Variants in TNIK observed in about 807,000 individuals in gnomAD.
TNIK encodes TRAF2 and NCK-interacting protein kinase.
Under a neutral mutation model 191.3 loss-of-function variants are expected in TNIK, and 49 were observed. The observed-to-expected ratio is 0.26, with a 90% CI of 0.20 to 0.32. The LOEUF is 0.32. Ranked by LOEUF, TNIK falls within the 10% of genes least tolerant of loss-of-function variation. The pLI, the probability that TNIK is intolerant of heterozygous loss-of-function variation, is 1.00. For synonymous variants in TNIK, 594 were observed against 600.9 expected (o/e 0.99, Z 0.17); for missense variants, 1,155 against 1,702.3 (o/e 0.68, Z 5.66).
At chr3:171,300,449 T>C (rs1209187594) in intron 2 of TNIK, among the ~76,000 whole-genome samples, 3 of 152,182 alleles carry the variant, frequency 2.0e-5, no homozygotes, top group Non-Finnish European at 4.4e-5. Flanking sequence ...TGTATGCATC[T>C]GACATTATTT....
chr3:171,251,865 G>A (rs1156421689), intron 2 of TNIK, among the ~76,000 whole-genome samples: 1 of 152,100 alleles, frequency 6.6e-6, no homozygotes, highest in Non-Finnish European at 1.5e-5. Flanking sequence ...AAACGGGTAA[G>A]GAAGGTGAAA....
intron 18 of TNIK, among the ~76,000 whole-genome samples, chr3:171,117,497 T>TACATATATATGAG (rs1287918379): frequency 6.6e-6 from 1 of 152,166 alleles, no homozygotes; most frequent in Non-Finnish European, 1.5e-5. Flanking sequence ...AATTAGTAAA[T>TACATATATATGAG]ACATATATAT....
intron 2 of TNIK, among the ~76,000 whole-genome samples, chr3:171,246,950 G>C (rs554897296): frequency 6.6e-6 from 1 of 152,330 alleles, no homozygotes; most frequent in East Asian, 1.9e-4. Flanking sequence ...AGACTGGGGG[G>C]AAGACAAGGA....
intron 2 of TNIK, among the ~76,000 whole-genome samples, chr3:171,346,003 A>T (rs1476047551): frequency 6.6e-6 from 1 of 152,122 alleles, no homozygotes; most frequent in East Asian, 1.9e-4. Flanking sequence ...TAAACATGGT[A>T]AGGGGAACAG....
At chr3:171,264,067 T>TACACACACACACACAC (rs760319253) in intron 2 of TNIK, among the ~76,000 whole-genome samples, 6 of 110,772 alleles carry the variant, frequency 5.4e-5, no homozygotes, top group Non-Finnish European at 1.1e-4. Flanking sequence ...TATATATACA[T>TACACACACACACACAC]ACACACACAC....
chr3:171,251,448 AAT>A (rs1746215124), intron 2 of TNIK, among the ~76,000 whole-genome samples: 1 of 152,062 alleles, frequency 6.6e-6, no homozygotes, highest in African/African-American at 2.4e-5. Context: ...GTACTGCCAT[AAT>A]AGTTATCAAC....
chr3:171,109,713 CTT>C (rs1233316636), intron 19 of TNIK, among the ~76,000 whole-genome samples: 2 of 152,148 alleles, frequency 1.3e-5, no homozygotes, highest in African/African-American at 4.8e-5. Context: ...GCAAAATTAT[CTT>C]CTGAAGAAGT....
At chr3:171,456,117 TG>T (rs1728773508) in intron 1 of TNIK, among the ~76,000 whole-genome samples, 1 of 151,832 alleles carries the variant, frequency 6.6e-6, no homozygotes. Flanking sequence ...CAAAAGTGTA[TG>T]TGAGTCCTGG....
intron 2 of TNIK, among the ~76,000 whole-genome samples, chr3:171,271,164 C>T (rs1310337560): frequency 1.3e-5 from 2 of 152,200 alleles, no homozygotes; most frequent in Non-Finnish European, 2.9e-5. Flanking sequence ...AAACCTCAGT[C>T]TTCAAGTTCT....
intron 28 of TNIK, among the ~76,000 whole-genome samples, chr3:171,077,071 T>TC (rs34196156): frequency 0.074 from 10,622 of 142,770 alleles, 458 homozygotes; most frequent in Middle Eastern, 0.11. Flanking sequence ...CCTTTCTTGT[T>TC]CCCCCCCCCC....
chr3:171,293,636 A>G (rs1268496674), intron 2 of TNIK, among the ~76,000 whole-genome samples: 1 of 152,246 alleles, frequency 6.6e-6, no homozygotes, highest in Non-Finnish European at 1.5e-5. Context: ...TCCAGGAAAT[A>G]GCATCTAGCT....
At chr3:171,456,758 A>G (rs1348767196) in intron 1 of TNIK, among the ~76,000 whole-genome samples, 1 of 152,224 alleles carries the variant, frequency 6.6e-6, no homozygotes, top group Non-Finnish European at 1.5e-5. Flanking sequence ...CTCAATAAAT[A>G]AAATTCCCTG....
At chr3:171,152,897 G>A (rs538301550) in intron 12 of TNIK, among the ~76,000 whole-genome samples, 6 of 151,404 alleles carry the variant, frequency 4.0e-5, no homozygotes, top group South Asian at 2.1e-4. Flanking sequence ...TCAGCTTCCC[G>A]AGTAGCTGGG....
chr3:171,157,345 T>G lies in TNIK; in HGVS notation c.1221+115A>C, dbSNP rs548369499. On this transcript the variant is annotated intron_variant, in intron 12 of 32. Transcript: ENST00000436636. ...CTTATCTGCCCTTGCAGTCAACCCC[T>G]TTGTGCCTCTAAGCTCTGTGTGCTC... 175 of 1,305,302 alleles carry G rather than the reference T, an allele frequency of 1.3e-4. No homozygotes were observed. In the African/African-American group the frequency reaches 2.5e-3, roughly 18 times the overall value. 80.9% of individuals were successfully genotyped at this position (1,305,302 alleles called of 1,614,324 possible).
At chr3:171,272,284 C>T (rs1213486490) in intron 2 of TNIK, among the ~76,000 whole-genome samples, 2 of 152,192 alleles carry the variant, frequency 1.3e-5, no homozygotes, top group Non-Finnish European at 2.9e-5. Flanking sequence ...GTACCAAGGG[C>T]TTCAATGACA....
At chr3:171,301,972 C>T (rs779545019) in intron 2 of TNIK, among the ~76,000 whole-genome samples, 2 of 152,138 alleles carry the variant, frequency 1.3e-5, no homozygotes, top group African/African-American at 2.4e-5. Flanking sequence ...CATATACATA[C>T]GTATGGGAGG....
At chr3:171,225,062 T>C (rs914103329) in intron 3 of TNIK, among the ~76,000 whole-genome samples, 11 of 152,216 alleles carry the variant, frequency 7.2e-5, no homozygotes, top group African/African-American at 2.7e-4. Flanking sequence ...ATAGTAACTT[T>C]GTAGTAGGTC....
intron 2 of TNIK, among the ~76,000 whole-genome samples, chr3:171,356,536 G>T (rs1290119310): frequency 6.6e-6 from 1 of 152,196 alleles, no homozygotes; most frequent in African/African-American, 2.4e-5. Flanking sequence ...TGGCATCGCT[G>T]CTCTATAGTA....
At chr3:171,150,939 A>G (rs987608109) in intron 12 of TNIK, among the ~76,000 whole-genome samples, 1 of 152,270 alleles carries the variant, frequency 6.6e-6, no homozygotes, top group Non-Finnish European at 1.5e-5. Context: ...AGACAGCACC[A>G]TTAAAATGAA....
Sources: gnomAD v4.1 joint callset for allele counts (sites outside exome capture counted in the v4.1 genomes callset) on GRCh38, gnomAD v4.1.1 for gene constraint, MANE v1.5 for transcripts, NCBI Gene and HGNC (gene_info 2026-07-23, HGNC 2026-07-21) for gene names.